SRGAP2: variants seen among roughly 807,000 people sequenced by gnomAD.
SRGAP2 encodes SLIT-ROBO Rho GTPase-activating protein 2.
Under a neutral mutation model 57.2 loss-of-function variants are expected in SRGAP2, and 15 were observed. The observed-to-expected ratio is 0.26, with a 90% CI of 0.18 to 0.40. The LOEUF (loss-of-function observed/expected upper bound fraction) is 0.40, where lower values mean the gene tolerates loss of function less well. Ranked by LOEUF, SRGAP2 falls within the 10% of genes least tolerant of loss-of-function variation. The probability of loss-of-function intolerance (pLI) is 1.00; values close to 1 mark genes in which losing one functional copy is unlikely to be tolerated. For missense variants in SRGAP2, 520 were observed against 669.6 expected (o/e 0.78, Z 2.47); for synonymous variants, 249 against 248.0 (o/e 1.00, Z -0.04).
At chr1:206,446,373 G>C (rs1373044755) in intron 18 of SRGAP2, 74 bp downstream of exon 18, 3 of 755,832 alleles carry the variant, frequency 4.0e-6, no homozygotes, top group African/African-American at 1.7e-5. Flanking sequence ...ATGGCCACAC[G>C]AAAACCAAAG....
chr1:206,450,119 T>A lies in SRGAP2; in HGVS notation c.2100-267T>A, dbSNP rs1482258692. Among the ~76,000 whole-genome samples the A allele has an allele frequency of 3.3e-5, 5 of 152,322 alleles. No homozygotes were observed. In the South Asian group the frequency reaches 1.0e-3, roughly 32 times the overall value. On this transcript the variant is annotated intron_variant, in intron 18 of 22. Transcript: ENST00000573034. ...GAGTTGTTCTCTATTTTCTAAAGAATTTAGTTTATACCTTCAAAAGGGCTT... is the reference window on the plus strand; with the variant it reads ...GAGTTGTTCTCTATTTTCTAAAGAAATTAGTTTATACCTTCAAAAGGGCTT...
rs1553381131 is a variant in SRGAP2 at position 206,462,118 on chromosome 1, A to G, written c.*698A>G. 1.3e-5 allele frequency: 2 copies of G among 152,282 alleles called. No individual in the cohort carries two copies. The highest frequency in any genetic ancestry group is 4.8e-5 in the African/African-American group (2 of 41,418). The allele number at this position is 152,282 out of a possible 1,614,324, so 9.4% of individuals were successfully genotyped here. A position where few individuals can be genotyped will look rare whatever the true frequency, so the allele number is the denominator to read the frequency against. On this transcript the variant is annotated 3_prime_UTR_variant, in exon 23 of 23. Coordinates refer to ENST00000573034, the MANE Select transcript of SRGAP2 (RefSeq NM_015326.5). ...ATATGAAACATAACGGGATGGGACA[A>G]TCCCGTAACCTGTTTGGGGTTGGGG...
chr1:206,383,962 C>G, intron 4 of SRGAP2, 52 bp from the exon 5 acceptor site: 2 of 1,430,602 alleles, frequency 1.4e-6, no homozygotes, highest in Non-Finnish European at 9.5e-7. Context: ...CTTTGTTGCT[C>G]CCTCCTCTCT....
chr1:206,389,865 A>G (rs1259372433), intron 5 of SRGAP2, among the ~76,000 whole-genome samples: 3 of 150,994 alleles, frequency 2.0e-5, no homozygotes, highest in Non-Finnish European at 4.4e-5. Context: ...CTATCTATAT[A>G]TAGATAGAAG....
chr1:206,231,560 C>T (rs1381619006), intron 2 of SRGAP2, among the ~76,000 whole-genome samples: 2 of 149,432 alleles, frequency 1.3e-5, no homozygotes, highest in Non-Finnish European at 3.0e-5. Flanking sequence ...TTTTTTTAGA[C>T]AGAGTCTTGT....
At chr1:206,298,973 G>C (rs1229582004) in intron 2 of SRGAP2, among the ~76,000 whole-genome samples, 5 of 152,162 alleles carry the variant, frequency 3.3e-5, no homozygotes, top group Admixed American at 3.3e-4. Context: ...ACAGGGCTTA[G>C]ACCTGTCTTT....
At chr1:206,374,019 CT>C (rs56021600) in intron 4 of SRGAP2, among the ~76,000 whole-genome samples, 837 of 76,980 alleles carry the variant, frequency 0.011, 9 homozygotes, top group African/African-American at 0.031. Flanking sequence ...GATACACATT[CT>C]TTTTTTTTTT....
chr1:206,423,391 G>C (rs1430714433), intron 13 of SRGAP2, among the ~76,000 whole-genome samples: 1 of 152,080 alleles, frequency 6.6e-6, no homozygotes, highest in Non-Finnish European at 1.5e-5. Flanking sequence ...GTTCTATAAT[G>C]CTGTCCTTTT....
At chr1:206,428,859 G>A (rs1267119182) in intron 13 of SRGAP2, among the ~76,000 whole-genome samples, 4 of 152,084 alleles carry the variant, frequency 2.6e-5, no homozygotes, top group Non-Finnish European at 5.9e-5. Context: ...TGTTGCCCAG[G>A]CTGGTCTCAC....
chr1:206,455,767 C>T (rs1222726827), intron 21 of SRGAP2: 1 of 152,340 alleles, frequency 6.6e-6, no homozygotes, highest in Non-Finnish European at 1.5e-5. Flanking sequence ...TACCTCTGAC[C>T]CCCAGCTTTC....
At position 206,346,029 on chromosome 1, in the gene SRGAP2, G is replaced by A. The variant is rs1467470027; in HGVS notation, c.423+3021G>A. 1.4e-4 allele frequency among the ~76,000 whole-genome samples: 21 copies of A among 152,240 alleles called. No individual in the cohort carries two copies. In the East Asian group the frequency reaches 2.3e-3, roughly 17 times the overall value. ...CAAACATTCTTCATACCACACCCCA[G>A]TTTTTTAACCTCTTTTGTTTAGAGT... On this transcript the variant is annotated intron_variant, in intron 4 of 22. Coordinates refer to ENST00000573034, the MANE Select transcript of SRGAP2 (RefSeq NM_015326.5).
intron 2 of SRGAP2, among the ~76,000 whole-genome samples, chr1:206,254,731 C>G: frequency 2.0e-5 from 3 of 150,392 alleles, no homozygotes; most frequent in Middle Eastern, 7.0e-3. Flanking sequence ...AGTTTGGGCT[C>G]TAGGACTGAA....
intron 2 of SRGAP2, chr1:206,213,413 A>T: frequency 1.5e-6 from 1 of 675,836 alleles, no homozygotes; most frequent in Non-Finnish European, 1.8e-6. Flanking sequence ...AACAAATTTT[A>T]AAAAGTAACA....
chr1:206,313,998 T>C (rs1553325162), intron 3 of SRGAP2, among the ~76,000 whole-genome samples: 1 of 151,762 alleles, frequency 6.6e-6, no homozygotes, highest in African/African-American at 2.4e-5. Flanking sequence ...CAAGTGAGCT[T>C]GGAAGCCATA....
intron 2 of SRGAP2, among the ~76,000 whole-genome samples, chr1:206,302,389 C>G (rs1335225399): frequency 1.3e-5 from 2 of 151,994 alleles, no homozygotes; most frequent in Non-Finnish European, 2.9e-5. Context: ...TGCAGCAGTT[C>G]CAGAGAGAGT....
chr1:206,434,364 A>G (rs1175654161), intron 14 of SRGAP2, among the ~76,000 whole-genome samples: 1 of 152,234 alleles, frequency 6.6e-6, no homozygotes, highest in Non-Finnish European at 1.5e-5. Context: ...TGGCTGCTGT[A>G]GAAATCATTT....
At chr1:206,277,087 C>A (rs1423347244) in intron 2 of SRGAP2, among the ~76,000 whole-genome samples, 1 of 152,012 alleles carries the variant, frequency 6.6e-6, no homozygotes, top group Non-Finnish European at 1.5e-5. Flanking sequence ...GCGTCAGCCT[C>A]CCGAGTAGCT....
chr1:206,369,858 T>C (rs1654363896), intron 4 of SRGAP2, among the ~76,000 whole-genome samples: 2 of 151,128 alleles, frequency 1.3e-5, no homozygotes, highest in Admixed American at 1.3e-4. Context: ...CTCCAAAACT[T>C]AAGCATAGAA....
At chr1:206,433,413 C>A (rs553975864) in intron 14 of SRGAP2, among the ~76,000 whole-genome samples, 1 of 152,118 alleles carries the variant, frequency 6.6e-6, no homozygotes, top group Admixed American at 6.5e-5. Context: ...CTGAGGTGGG[C>A]AGATCACTTG....
Sources: gnomAD v4.1 joint callset for allele counts (sites outside exome capture counted in the v4.1 genomes callset) on GRCh38, gnomAD v4.1.1 for gene constraint, MANE v1.5 for transcripts, NCBI Gene and HGNC (gene_info 2026-07-23, HGNC 2026-07-21) for gene names.